RHBDL2: variants seen among roughly 807,000 people sequenced by gnomAD.
The protein encoded by RHBDL2 is rhomboid like 2, also known as rhomboid-related protein 2.
A neutral mutation model predicts 31.7 loss-of-function variants in RHBDL2; 26 were observed. The ratio of observed to expected loss-of-function variants is 0.82; its 90% confidence interval spans 0.60 to 1.14. The LOEUF (loss-of-function observed/expected upper bound fraction) is 1.14. Among genes scored for constraint, RHBDL2 ranks in the 50% most tolerant of loss-of-function variants. The probability of loss-of-function intolerance (pLI) is 0.00; values close to 1 mark genes in which losing one functional copy is unlikely to be tolerated. For synonymous variants in RHBDL2, 123 were observed against 127.2 expected (o/e 0.97, Z 0.22); for missense variants, 336 against 364.4 (o/e 0.92, Z 0.63).
intron 2 of RHBDL2, 97 bp from the exon 3 acceptor site, chr1:38,915,807 C>T (rs1643228236): frequency 2.7e-6 from 3 of 1,115,186 alleles, no homozygotes; most frequent in Non-Finnish European, 4.0e-6. Context: ...TGATTCAGCT[C>T]TCAAGTGGGC....
chr1:38,897,917 G>A (rs1642941023), intron 4 of RHBDL2, among the ~76,000 whole-genome samples: 1 of 152,120 alleles, frequency 6.6e-6, no homozygotes, highest in Non-Finnish European at 1.5e-5. Context: ...GATCAGCTGA[G>A]CTCAGGAGTT....
At chr1:38,891,260 C>CA (rs11445131) in intron 6 of RHBDL2, among the ~76,000 whole-genome samples, 33,322 of 79,610 alleles carry the variant, frequency 0.42, 6,847 homozygotes, top group Non-Finnish European at 0.46. Flanking sequence ...GACTCCGTCT[C>CA]AAAAAAAAAA....
Position 38,912,948 on chromosome 1 carries a change from G to GTGTGTGTGTA in RHBDL2, c.396-1515_396-1514insTACACACACA, listed in dbSNP as rs776145220. ...TGTGTGTGTGTGTGTGTGTGTGTGT[G>GTGTGTGTGTA]TATTTACATATACACGTGTGTGTGT... is the stretch of plus-strand genomic sequence containing the variant. On this transcript the variant is annotated intron_variant, in intron 3 of 7. Coordinates refer to ENST00000372990, the MANE Select transcript of RHBDL2 (RefSeq NM_017821.5). Among the ~76,000 whole-genome samples, 81 of 106,568 alleles carry GTGTGTGTGTA rather than the reference G, an allele frequency of 7.6e-4. 1 individual carries two copies. The highest frequency in any genetic ancestry group is 2.4e-3 in the African/African-American group (57 of 24,028). The allele number at this position is 106,568 out of a possible 152,430, so 69.9% of individuals were successfully genotyped here. A position where few individuals can be genotyped will look rare whatever the true frequency, so the allele number is the denominator to read the frequency against.
At chr1:38,930,470 T>G (rs980776021) in intron 1 of RHBDL2, among the ~76,000 whole-genome samples, 6 of 152,230 alleles carry the variant, frequency 3.9e-5, no homozygotes, top group African/African-American at 1.2e-4. Context: ...CATATATTTG[T>G]GTACCCTATT....
At chr1:38,899,888 G>A (rs1208101049) in intron 4 of RHBDL2, among the ~76,000 whole-genome samples, 1 of 152,132 alleles carries the variant, frequency 6.6e-6, no homozygotes, top group Non-Finnish European at 1.5e-5. Context: ...CCTGGGGCAG[G>A]AGGGCCCCAA....
chr1:38,903,016 T>C (rs556723126), intron 4 of RHBDL2, among the ~76,000 whole-genome samples: 2 of 152,260 alleles, frequency 1.3e-5, no homozygotes, highest in South Asian at 4.1e-4. Flanking sequence ...GAAAATCTAA[T>C]GGAATCTACA....
chr1:38,896,624 C>A (rs1344483357), intron 4 of RHBDL2, among the ~76,000 whole-genome samples: 1 of 152,178 alleles, frequency 6.6e-6, no homozygotes, highest in Non-Finnish European at 1.5e-5. Context: ...GACAATCCAA[C>A]ATTTTATTAT....
At chr1:38,911,631 T>C (rs944549711) in intron 3 of RHBDL2, among the ~76,000 whole-genome samples, 197 bp from the exon 4 acceptor site, 17 of 112,922 alleles carry the variant, frequency 1.5e-4, no homozygotes, top group African/African-American at 4.2e-4. Context: ...TGTGTGTGTG[T>C]GTGTGTGTGT....
At chr1:38,928,141 CTTT>C (rs1209464598) in intron 1 of RHBDL2, among the ~76,000 whole-genome samples, 4 of 130,372 alleles carry the variant, frequency 3.1e-5, no homozygotes, top group Non-Finnish European at 3.2e-5. Context: ...TTTTTTCTTT[CTTT>C]TTTTTTTTTT....
At chr1:38,928,251 C>G (rs1211855101) in intron 1 of RHBDL2, among the ~76,000 whole-genome samples, 1 of 150,278 alleles carries the variant, frequency 6.7e-6, no homozygotes, top group African/African-American at 2.5e-5. Flanking sequence ...AAGCGATTCT[C>G]CTGCCTCAGT....
At chr1:38,935,151 G>A (rs972373288) in intron 1 of RHBDL2, among the ~76,000 whole-genome samples, 1 of 152,002 alleles carries the variant, frequency 6.6e-6, no homozygotes, top group Non-Finnish European at 1.5e-5. Context: ...TCAGTTTATG[G>A]AAAATGTCTA....
chr1:38,904,730 C>T (rs1157271016), intron 4 of RHBDL2, among the ~76,000 whole-genome samples: 1 of 149,080 alleles, frequency 6.7e-6, no homozygotes, highest in Non-Finnish European at 1.5e-5. Flanking sequence ...TATAGTAAAA[C>T]ATTTTTAAAA....
intron 4 of RHBDL2, among the ~76,000 whole-genome samples, chr1:38,897,267 A>AT (rs1371322797): frequency 6.6e-6 from 1 of 151,976 alleles, no homozygotes; most frequent in Non-Finnish European, 1.5e-5. Flanking sequence ...CGCCTGGCTA[A>AT]TTTTTTGTGT....
At chr1:38,925,444 G>A (rs752634709) in intron 1 of RHBDL2, among the ~76,000 whole-genome samples, 1 of 152,044 alleles carries the variant, frequency 6.6e-6, no homozygotes, top group Non-Finnish European at 1.5e-5. Context: ...GTTGCAGTGG[G>A]AGGCGGAGGT....
chr1:38,936,468 T>C (rs1328662791), intron 1 of RHBDL2, among the ~76,000 whole-genome samples: 1 of 150,392 alleles, frequency 6.6e-6, no homozygotes, highest in East Asian at 2.0e-4. Flanking sequence ...CATGCAACCA[T>C]ACCCATCTAA....
rs567707432 is a variant in RHBDL2 at position 38,926,255 on chromosome 1, C to T, written c.-125-6918G>A. 21 of 1,047,630 alleles carry T rather than the reference C, an allele frequency of 2.0e-5. No homozygotes were observed. In the South Asian group the frequency reaches 4.7e-4, roughly 24 times the overall value. The allele number at this position is 1,047,630 out of a possible 1,614,324, so 64.9% of individuals were successfully genotyped here. On this transcript the variant is annotated intron_variant, in intron 1 of 7. Coordinates refer to ENST00000372990, the MANE Select transcript of RHBDL2 (RefSeq NM_017821.5). Reference sequence around the variant, plus strand: ...GGCAGCAGTATCCAGTGTCCAGACGCCTTGCCACTGGGGTCAGCATGGCAT... The same window carrying T: ...GGCAGCAGTATCCAGTGTCCAGACGTCTTGCCACTGGGGTCAGCATGGCAT...
intron 4 of RHBDL2, among the ~76,000 whole-genome samples, chr1:38,899,130 G>A (rs1642957195): frequency 1.3e-5 from 2 of 152,280 alleles, no homozygotes; most frequent in South Asian, 4.1e-4. Flanking sequence ...AGGATTTGAG[G>A]TAATGTAGGA....
chr1:38,906,191 T>G (rs1297032015), intron 4 of RHBDL2, among the ~76,000 whole-genome samples: 1 of 151,990 alleles, frequency 6.6e-6, no homozygotes, highest in Non-Finnish European at 1.5e-5. Context: ...ACATAGTGCT[T>G]GAAGTGCTAG....
intron 1 of RHBDL2, among the ~76,000 whole-genome samples, chr1:38,922,535 C>T (rs1413333721): frequency 8.7e-6 from 1 of 114,542 alleles, no homozygotes; most frequent in Non-Finnish European, 1.7e-5. Flanking sequence ...TCCCAAAGTG[C>T]TGGGATTACA....
Sources: gnomAD v4.1 joint callset for allele counts (sites outside exome capture counted in the v4.1 genomes callset) on GRCh38, gnomAD v4.1.1 for gene constraint, MANE v1.5 for transcripts, NCBI Gene and HGNC (gene_info 2026-07-23, HGNC 2026-07-21) for gene names.